The following CYRIB variants were observed in gnomAD, a reference collection of about 807,000 sequenced individuals.
CYRIB encodes CYFIP related Rac1 interactor B.
A neutral mutation model predicts 44.2 loss-of-function variants in CYRIB; 8 were observed. That is an observed-to-expected ratio of 0.18 (90% CI 0.11 to 0.33). The LOEUF is 0.33. Among genes scored for constraint, CYRIB ranks in the 10% least tolerant of loss-of-function variants. The pLI, the probability that CYRIB is intolerant of heterozygous loss-of-function variation, is 1.00. For synonymous variants in CYRIB, 131 were observed against 127.2 expected, an observed-to-expected ratio of 1.03 and a Z score of -0.20; for missense variants, 185 against 382.8, an observed-to-expected ratio of 0.48 and a Z score of 4.31.
intron 1 of CYRIB, among the ~76,000 whole-genome samples, chr8:130,011,641 C>A (rs71522562): frequency 6.6e-6 from 1 of 151,166 alleles, no homozygotes; most frequent in Non-Finnish European, 1.5e-5. Flanking sequence ...CACGGTAAAA[C>A]CCCATCTCTA....
rs1481304372 is a variant in CYRIB, at chr8:129,906,098, CTACTT to C, written c.-49-2753_-49-2749del. On this transcript the variant is annotated intron_variant, in intron 1 of 11. Coordinates refer to ENST00000519824, the Ensembl canonical transcript of CYRIB. ...ACTTTCTTCACAGAATTGGAAAAAA[CTACTT>C]TAAAGTTCATATGGAACCAAAAAAG... 6.6e-5 allele frequency among the ~76,000 whole-genome samples: 10 copies of C among 152,190 alleles called. No individual in the cohort carries two copies. In the East Asian group the frequency reaches 1.9e-3, roughly 29 times the overall value.
intron 3 of CYRIB, among the ~76,000 whole-genome samples, chr8:129,872,521 G>A (rs1314131458): frequency 2.6e-5 from 4 of 152,078 alleles, no homozygotes; most frequent in Non-Finnish European, 4.4e-5. Context: ...TAAGGAAAAA[G>A]GTGGACTCTA....
At chr8:130,007,688 G>A (rs1050361429) in intron 1 of CYRIB, among the ~76,000 whole-genome samples, 6 of 152,202 alleles carry the variant, frequency 3.9e-5, no homozygotes, top group Non-Finnish European at 8.8e-5. Flanking sequence ...GGAGGCTAAG[G>A]CAGGAGAATT....
chr8:129,873,744 A>G (rs931266864), intron 3 of CYRIB, among the ~76,000 whole-genome samples: 4 of 152,068 alleles, frequency 2.6e-5, no homozygotes, highest in Admixed American at 2.6e-4. Context: ...ATACAAACGA[A>G]ACATTATCAA....
intron 2 of CYRIB, among the ~76,000 whole-genome samples, chr8:129,886,770 T>C (rs1337181286): frequency 6.6e-6 from 1 of 151,994 alleles, no homozygotes; most frequent in East Asian, 1.9e-4. Context: ...CTCAACACAC[T>C]TTTATCATTA....
intron 1 of CYRIB, among the ~76,000 whole-genome samples, chr8:129,910,388 T>C (rs1432515304): frequency 2.6e-5 from 4 of 152,132 alleles, no homozygotes; most frequent in Admixed American, 2.6e-4. Context: ...GCCAAATTGC[T>C]GTCCAAAGAT....
At chr8:129,879,310 A>T in intron 3 of CYRIB, 79 bp downstream of exon 5, 1 of 950,758 alleles carries the variant, frequency 1.1e-6, no homozygotes. Context: ...AAGATGGCAA[A>T]GTGGAAACAT....
At chr8:129,875,919 G>C (rs1371218524) in intron 3 of CYRIB, among the ~76,000 whole-genome samples, 3 of 152,032 alleles carry the variant, frequency 2.0e-5, no homozygotes, top group Non-Finnish European at 4.4e-5. Flanking sequence ...TTTTAGACCA[G>C]CCTGGCCAAC....
intron 1 of CYRIB, among the ~76,000 whole-genome samples, chr8:130,010,673 C>T (rs2097195157): frequency 6.6e-6 from 1 of 152,188 alleles, no homozygotes; most frequent in South Asian, 2.1e-4. Flanking sequence ...GAGGTCCATC[C>T]TAGGCCTTTG....
At chr8:129,843,103 T>C (rs1212195031) in intron 11 of CYRIB, among the ~76,000 whole-genome samples, 2 of 152,198 alleles carry the variant, frequency 1.3e-5, no homozygotes, top group Non-Finnish European at 2.9e-5. Flanking sequence ...TCAAGGAGCT[T>C]ACAACCTAGC....
chr8:129,909,383 A>G (rs1457685764), intron 1 of CYRIB, among the ~76,000 whole-genome samples: 1 of 152,168 alleles, frequency 6.6e-6, no homozygotes, highest in Non-Finnish European at 1.5e-5. Context: ...CCACAACCAA[A>G]GCTTTAACAA....
intron 1 of CYRIB, among the ~76,000 whole-genome samples, chr8:129,984,098 T>C (rs1164810895): frequency 6.6e-6 from 1 of 152,226 alleles, no homozygotes; most frequent in Non-Finnish European, 1.5e-5. Flanking sequence ...GTGATCCTGC[T>C]GAGCCGCCAA....
At chr8:130,000,593 G>A (rs1251578924) in intron 1 of CYRIB, among the ~76,000 whole-genome samples, 1 of 152,156 alleles carries the variant, frequency 6.6e-6, no homozygotes, top group African/African-American at 2.4e-5. Flanking sequence ...CTCAGAGGCT[G>A]AGGCACTAGG....
In CYRIB at chr8:129,864,049, A is replaced by G. The variant is rs547822851; in HGVS notation, c.196-1715T>C. Among the ~76,000 whole-genome samples, 31 of 152,376 alleles carry G rather than the reference A, an allele frequency of 2.0e-4. 1 individual carries two copies. Among genetic ancestry groups the G allele is most frequent in the Admixed American group, 2.0e-3 (31 of 15,310 alleles). ...AAGCAAAATAAAATTGAACCCAGAC[A>G]GATCTAACGGATGCTCTGAACAAAT... On this transcript the variant is annotated intron_variant, in intron 4 of 11. Transcript: ENST00000519824.
chr8:129,969,553 G>C (rs2095613541), intron 2 of CYRIB, among the ~76,000 whole-genome samples: 1 of 152,156 alleles, frequency 6.6e-6, no homozygotes, highest in Non-Finnish European at 1.5e-5. Context: ...CCAGCATGTT[G>C]TGTGAAAATT....
At chr8:129,855,774 T>C (rs777109088) in intron 5 of CYRIB, 27 bp from the exon 8 acceptor site, 3 of 1,582,802 alleles carry the variant, frequency 1.9e-6, no homozygotes, top group Non-Finnish European at 1.7e-6. Flanking sequence ...AAAAAAACAT[T>C]AAGTTGTTTG....
chr8:129,845,552 G>C (rs916888003), intron 11 of CYRIB, among the ~76,000 whole-genome samples: 4 of 152,208 alleles, frequency 2.6e-5, no homozygotes, highest in African/African-American at 4.8e-5. Context: ...ATTTAGAATA[G>C]ATCACCTTTA....
At chr8:129,923,152 A>C (rs919075084) in intron 1 of CYRIB, among the ~76,000 whole-genome samples, 3 of 150,654 alleles carry the variant, frequency 2.0e-5, no homozygotes, top group African/African-American at 7.3e-5. Flanking sequence ...CTGAGGCAGA[A>C]GAATCGCTTG....
At chr8:129,951,539 T>C (rs2131340116) in intron 2 of CYRIB, among the ~76,000 whole-genome samples, 1 of 152,010 alleles carries the variant, frequency 6.6e-6, no homozygotes, top group South Asian at 2.1e-4. Context: ...ACCCCGTTTC[T>C]ACTAAAAATA....
Sources: gnomAD v4.1 joint callset for allele counts (sites outside exome capture counted in the v4.1 genomes callset) on GRCh38, gnomAD v4.1.1 for gene constraint, MANE v1.5 for transcripts, NCBI Gene and HGNC (gene_info 2026-07-23, HGNC 2026-07-21) for gene names.